The following ATAD5 variants were observed in gnomAD, a reference collection of about 807,000 sequenced individuals.
ATAD5 encodes ATPase family AAA domain-containing protein 5.
In ATAD5, 58 loss-of-function variants were observed where a neutral mutation model predicts 176.9. That is an observed-to-expected ratio of 0.33 (90% confidence interval 0.27 to 0.41). The LOEUF (loss-of-function observed/expected upper bound fraction) is 0.41, where lower values mean the gene tolerates loss of function less well. Ranked by LOEUF, ATAD5 falls within the 10% of genes least tolerant of loss-of-function variation. The pLI is 1.00. For missense variants in ATAD5, 1,789 were observed against 2,094.1 expected, an observed-to-expected ratio of 0.85 and a Z score of 2.84; for synonymous variants, 640 against 712.6, an observed-to-expected ratio of 0.90 and a Z score of 1.62.
chr17:30,835,267 A>G lies in ATAD5; in HGVS notation c.1186A>G (p.Thr396Ala), dbSNP rs774562306. 1.2e-6 allele frequency: 2 copies of G among 1,614,136 alleles called. No individual in the cohort carries two copies. Among genetic ancestry groups the G allele is most frequent in the Non-Finnish European group, 1.7e-6 (2 of 1,180,010 alleles). The change falls in exon 2 of 23, where the codon ACT becomes GCT. Residue 396 changes from threonine (T) to alanine (A), a missense_variant. By Grantham distance (58) the Thr-to-Ala change is moderately conservative (BLOSUM62 0). Coordinates refer to ENST00000321990, the MANE Select transcript of ATAD5 (RefSeq NM_024857.5). ...TTCTGAAGCTGTGAAACCAAAATGC[A>G]CTCTAGAAGAAAGACAGCAATTTAT... ...GSSEAVKPKC[T>A]LEERQQFMKA...
At position 30,893,638 on chromosome 17, in the gene ATAD5, A is replaced by G. The variant is rs2142460330; in HGVS notation, c.4785A>G (p.Val1595=). 1.2e-6 allele frequency: 2 copies of G among 1,613,878 alleles called. No individual in the cohort carries two copies. Among genetic ancestry groups the G allele is most frequent in the Non-Finnish European group, 1.7e-6 (2 of 1,179,926 alleles). Reference sequence around the variant, plus strand: ...ATCAATCTATTAGCCTGTCCTCTGTATCATCTTCCTCAAATGCAGAAGAAA... The same window carrying G: ...ATCAATCTATTAGCCTGTCCTCTGTGTCATCTTCCTCAAATGCAGAAGAAA... The part of the protein sequence containing the change: ...FPDQSISLSS[V]SSSSNAEESK... Residue 1595 remains valine (V), a synonymous_variant, in exon 21 of 23, where the codon GTA becomes GTG. Transcript: ENST00000321990.
intron 2 of ATAD5, among the ~76,000 whole-genome samples, chr17:30,836,613 T>C (rs1321147063): frequency 6.6e-6 from 1 of 152,024 alleles, no homozygotes; most frequent in East Asian, 1.9e-4. Context: ...TGTTGTCCAG[T>C]CTGGAGTGCA....
At chr17:30,847,438 C>G (rs1906584026) in intron 6 of ATAD5, among the ~76,000 whole-genome samples, 1 of 151,822 alleles carries the variant, frequency 6.6e-6, no homozygotes. Context: ...TCAAGCGATT[C>G]TCCTGCCTCA....
At chr17:30,856,599 A>G (rs1907303556) in intron 7 of ATAD5, among the ~76,000 whole-genome samples, 1 of 151,916 alleles carries the variant, frequency 6.6e-6, no homozygotes. Flanking sequence ...CTGGTCTCGA[A>G]CTCCTGACCT....
intron 3 of ATAD5, among the ~76,000 whole-genome samples, chr17:30,838,525 G>A (rs1712579978): frequency 6.6e-6 from 1 of 152,176 alleles, no homozygotes; most frequent in African/African-American, 2.4e-5. Context: ...ATTCTGGGAA[G>A]TGTCTTTCCT....
intron 9 of ATAD5, among the ~76,000 whole-genome samples, chr17:30,858,790 T>A (rs1907446950): frequency 6.6e-6 from 1 of 152,112 alleles, no homozygotes; most frequent in African/African-American, 2.4e-5. Context: ...AAGTGATTCC[T>A]GTGTCTCAGC....
chr17:30,838,064 G>GCCC (rs1215990708), intron 3 of ATAD5, among the ~76,000 whole-genome samples: 1 of 152,158 alleles, frequency 6.6e-6, no homozygotes, highest in African/African-American at 2.4e-5. Flanking sequence ...TCCATAAGAT[G>GCCC]CCAGTAGCAC....
intron 17 of ATAD5, 33 bp from the exon 18 acceptor site, chr17:30,879,390 A>T: frequency 2.5e-6 from 3 of 1,210,686 alleles, no homozygotes; most frequent in Non-Finnish European, 3.4e-6. Flanking sequence ...GTGTTTAAGA[A>T]TTTTTTTTTT....
At chr17:30,868,998 G>C (rs1280488095) in intron 12 of ATAD5, among the ~76,000 whole-genome samples, 1 of 150,692 alleles carries the variant, frequency 6.6e-6, no homozygotes, top group Non-Finnish European at 1.5e-5. Flanking sequence ...CACCACACCT[G>C]GCTAATTTTT....
chr17:30,894,632 A>G lies in ATAD5; in HGVS notation c.5366A>G (p.Asn1789Ser). 1.2e-6 allele frequency: 2 copies of G among 1,613,624 alleles called. No homozygotes were observed. The highest frequency in any genetic ancestry group is 1.7e-6 in the Non-Finnish European group (2 of 1,179,724). Reference protein sequence around the residue: ...FSSRSLLYVGNRQASIIEYLP... With the variant: ...FSSRSLLYVGSRQASIIEYLP... ...AGTCGATCTCTTCTCTATGTGGGTA[A>G]TAGACAAGCTAGTATAATTGAATAC... The change falls in exon 22 of 23, where the codon AAT becomes AGT. Residue 1789 changes from asparagine to serine, a missense_variant. Physicochemically the swap from Asn to Ser is conservative, Grantham distance 46 (BLOSUM62 1). Around this residue, in one of 6 missense-constraint regions of ATAD5, gnomAD observed 403 missense variants for 495.1 expected, o/e 0.81. Transcript: ENST00000321990.
chr17:30,880,949 A>T (rs909227831), intron 18 of ATAD5, among the ~76,000 whole-genome samples: 1 of 151,834 alleles, frequency 6.6e-6, no homozygotes, highest in African/African-American at 2.4e-5. Context: ...GTTCTCATGG[A>T]CCCTTTCTAG....
At position 30,892,516 on chromosome 17, in the gene ATAD5, G is replaced by T. The variant is rs552733559; in HGVS notation, c.4259-91G>T. On this transcript the variant is annotated intron_variant, in intron 19 of 22. Transcript: ENST00000321990. ...AGAACTAAATGGGGGTATTTGTCCAGAAGATGTCAAAGGATCTCAGGCTTT... is the reference window on the plus strand; with the variant it reads ...AGAACTAAATGGGGGTATTTGTCCATAAGATGTCAAAGGATCTCAGGCTTT... 10 of 842,096 alleles carry T rather than the reference G, an allele frequency of 1.2e-5. No individual in the cohort carries two copies. The East Asian group carries it at 2.9e-4, about 25-fold the overall frequency. The allele number at this position is 842,096 out of a possible 1,614,324, so 52.2% of individuals were successfully genotyped here.
rs1909753337 is a variant in ATAD5, at chr17:30,893,641, A to C, written c.4788A>C (p.Ser1596=). 1 of 1,613,868 alleles carries C rather than the reference A, an allele frequency of 6.2e-7. No individual in the cohort carries two copies. Among genetic ancestry groups the C allele is most frequent in the Non-Finnish European group, 8.5e-7 (1 of 1,179,940 alleles). The stretch of plus-strand genomic sequence containing the variant: ...AATCTATTAGCCTGTCCTCTGTATC[A>C]TCTTCCTCAAATGCAGAAGAAAGCA... ...PDQSISLSSV[S]SSSNAEESKT... The change falls in exon 21 of 23, where the codon TCA becomes TCC. Residue 1596 remains serine, a synonymous_variant. Coordinates refer to ENST00000321990, the MANE Select transcript of ATAD5 (RefSeq NM_024857.5).
rs372101361 is a variant in ATAD5, at chr17:30,870,456, G to A, written c.3607+810G>A. Among the ~76,000 whole-genome samples, 12 of 152,026 alleles carry A rather than the reference G, an allele frequency of 7.9e-5. No individual in the cohort carries two copies. The South Asian group carries it at 2.3e-3, about 29-fold the overall frequency. ...GATCTATGGGCCTTATTAGATTCAGGTTCTGTTCTGGGTCTGGCATACATA... is the reference window on the plus strand; with the variant it reads ...GATCTATGGGCCTTATTAGATTCAGATTCTGTTCTGGGTCTGGCATACATA... On this transcript the variant is annotated intron_variant, in intron 14 of 22. Coordinates refer to ENST00000321990, the MANE Select transcript of ATAD5 (RefSeq NM_024857.5).
At chr17:30,892,208 C>T (rs1324871508) in intron 19 of ATAD5, among the ~76,000 whole-genome samples, 3 of 151,202 alleles carry the variant, frequency 2.0e-5, no homozygotes, top group Non-Finnish European at 4.4e-5. Flanking sequence ...GTGGATCACT[C>T]GAGGTCAAGA....
At chr17:30,884,714 C>T (rs1909218798) in intron 18 of ATAD5, among the ~76,000 whole-genome samples, 1 of 150,264 alleles carries the variant, frequency 6.7e-6, no homozygotes, top group Non-Finnish European at 1.5e-5. Context: ...CAGACGTGAG[C>T]CACCGCACCT....
At position 30,858,230 on chromosome 17, in the gene ATAD5, A is replaced by G. The variant is rs1471901128; in HGVS notation, c.2863A>G (p.Asn955Asp). ...TTTGCTTGAGGAAATTAGGTGGTCAAATCCTGAATTTTCATTGAAAAAATA... is the reference window on the plus strand; with the variant it reads ...TTTGCTTGAGGAAATTAGGTGGTCAGATCCTGAATTTTCATTGAAAAAATA... ...NLLLEEIRWS[N>D]PEFSLKKYFP... The change falls in exon 9 of 23, where the codon AAT becomes GAT. Residue 955 changes from asparagine (N) to aspartate (D), a missense_variant. By Grantham distance (23) the Asn-to-Asp change is conservative (BLOSUM62 1). Coordinates refer to ENST00000321990, the MANE Select transcript of ATAD5 (RefSeq NM_024857.5). 3.1e-6 allele frequency: 5 copies of G among 1,599,656 alleles called. No homozygotes were observed. The highest frequency in any genetic ancestry group is 1.1e-5 in the South Asian group (1 of 87,828).
At chr17:30,890,847 A>G (rs1909600322) in intron 19 of ATAD5, among the ~76,000 whole-genome samples, 1 of 152,050 alleles carries the variant, frequency 6.6e-6, no homozygotes, top group African/African-American at 2.4e-5. Context: ...ACCTTTATGC[A>G]TGTAACATAA....
intron 6 of ATAD5, among the ~76,000 whole-genome samples, chr17:30,851,487 C>A (rs1392177984): frequency 1.4e-5 from 2 of 147,524 alleles, no homozygotes; most frequent in Admixed American, 6.8e-5. Flanking sequence ...CAGAGCAAGA[C>A]TCTGTCTCAA....
Sources: allele counts gnomAD v4.1 joint callset (sites outside exome capture counted in the v4.1 genomes callset), GRCh38; gene constraint gnomAD v4.1.1; regional missense constraint gnomAD v4.1.1; transcripts MANE v1.5; gene names NCBI Gene and HGNC (gene_info 2026-07-23, HGNC 2026-07-21).